Variants in SHISA9 observed in about 807,000 individuals in gnomAD.
The protein encoded by SHISA9 is shisa family member 9.
Under a neutral mutation model 38.0 loss-of-function variants are expected in SHISA9, and 13 were observed. That is an observed-to-expected ratio of 0.34 (90% CI 0.22 to 0.54). The LOEUF (loss-of-function observed/expected upper bound fraction) is 0.54. SHISA9 is among the 20% of genes least tolerant of loss of function. SHISA9 has a pLI of 0.91. For missense variants in SHISA9, 538 were observed against 575.8 expected, an observed-to-expected ratio of 0.93 and a Z score of 0.67; for synonymous variants, 275 against 242.0, an observed-to-expected ratio of 1.14 and a Z score of -1.27.
chr16:13,550,225 C>T, the SHISA9 span, among the ~76,000 whole-genome samples: 3 of 152,074 alleles, frequency 2.0e-5, no homozygotes, highest in Admixed American at 1.3e-4. Flanking sequence ...TCACATCCCC[C>T]TCTCTAGATT....
chr16:13,104,971 G>A (rs752572910), intron 2 of SHISA9, among the ~76,000 whole-genome samples: 5 of 152,118 alleles, frequency 3.3e-5, no homozygotes, highest in African/African-American at 4.8e-5. Flanking sequence ...TACGTTGGTT[G>A]AGCCTCAGTT....
At chr16:13,351,782 A>T in the SHISA9 span, among the ~76,000 whole-genome samples, 39 of 152,352 alleles carry the variant, frequency 2.6e-4, no homozygotes, top group Non-Finnish European at 4.1e-4. Flanking sequence ...TATTTTGAAT[A>T]ACACAAGGAT....
chr16:13,388,620 C>G, the SHISA9 span, among the ~76,000 whole-genome samples: 1 of 152,100 alleles, frequency 6.6e-6, no homozygotes, highest in Admixed American at 6.6e-5. Flanking sequence ...TTTGGACAGT[C>G]TTTTGTTTGA....
At chr16:13,472,341 C>T in the SHISA9 span, among the ~76,000 whole-genome samples, 1,453 of 138,998 alleles carry the variant, frequency 0.01, 27 homozygotes, top group African/African-American at 0.037. Flanking sequence ...TGTTTGAATT[C>T]ATCCCTTCAT....
At chr16:13,332,722 ACAGGGTGTGACCC>A in the SHISA9 span, 1 of 152,212 alleles carries the variant, frequency 6.6e-6, no homozygotes, top group Admixed American at 6.5e-5. Flanking sequence ...AAAAAATTCA[ACAGGGTGTGACCC>A]CAGGAGGACT....
intron 2 of SHISA9, among the ~76,000 whole-genome samples, chr16:13,185,850 C>T (rs944061885): frequency 5.9e-5 from 9 of 152,202 alleles, no homozygotes; most frequent in African/African-American, 1.9e-4. Flanking sequence ...CCACCCTGAG[C>T]ATTTTCAGAG....
the SHISA9 span, among the ~76,000 whole-genome samples, chr16:13,384,144 G>A: frequency 6.6e-6 from 1 of 152,244 alleles, no homozygotes; most frequent in East Asian, 1.9e-4. Context: ...GCATTGAAAT[G>A]TCTAGCAAAT....
the SHISA9 span, among the ~76,000 whole-genome samples, chr16:13,488,844 CT>C: frequency 6.6e-6 from 1 of 152,246 alleles, no homozygotes; most frequent in Non-Finnish European, 1.5e-5. Flanking sequence ...TCACTGCAAG[CT>C]CCGCCTCCCG....
chr16:13,390,973 C>T, the SHISA9 span, among the ~76,000 whole-genome samples: 1 of 152,004 alleles, frequency 6.6e-6, no homozygotes, highest in African/African-American at 2.4e-5. Flanking sequence ...CCAACCATGG[C>T]AATCTGTGAA....
intron 2 of SHISA9, among the ~76,000 whole-genome samples, chr16:13,065,896 G>T: frequency 6.6e-6 from 1 of 152,312 alleles, no homozygotes; most frequent in East Asian, 1.9e-4. Context: ...TCTTGTATAC[G>T]CATGGTGTAT....
chr16:13,155,566 A>T (rs919540654), intron 2 of SHISA9, among the ~76,000 whole-genome samples: 1 of 148,964 alleles, frequency 6.7e-6, no homozygotes, highest in Admixed American at 6.7e-5. Context: ...CTGGCCTTTC[A>T]TAGTGTGTTT....
chr16:13,010,727 G>A (rs556323521), intron 2 of SHISA9, among the ~76,000 whole-genome samples: 28 of 152,252 alleles, frequency 1.8e-4, no homozygotes, highest in East Asian at 5.8e-4. Context: ...CAAGGCGGGC[G>A]GATCACCTGA....
At chr16:12,981,155 G>A (rs981254327) in intron 2 of SHISA9, among the ~76,000 whole-genome samples, 9 of 152,168 alleles carry the variant, frequency 5.9e-5, no homozygotes, top group South Asian at 4.1e-4. Context: ...ATGTGGATGC[G>A]CAAAGGCCAG....
At chr16:13,250,094 T>C in the SHISA9 span, among the ~76,000 whole-genome samples, 1 of 152,146 alleles carries the variant, frequency 6.6e-6, no homozygotes, top group Non-Finnish European at 1.5e-5. Flanking sequence ...CTAGTCTTTA[T>C]ATTAACTGGA....
the SHISA9 span, among the ~76,000 whole-genome samples, chr16:13,363,707 CTG>C: frequency 2.0e-5 from 3 of 152,210 alleles, no homozygotes; most frequent in Non-Finnish European, 4.4e-5. Context: ...TCTGTATCAT[CTG>C]TGCTGAACCT....
At chr16:13,321,475 A>G in the SHISA9 span, among the ~76,000 whole-genome samples, 1 of 152,224 alleles carries the variant, frequency 6.6e-6, no homozygotes, top group Non-Finnish European at 1.5e-5. Context: ...TCATCTGTTA[A>G]AATACAGCCA....
At chr16:13,445,731 A>G in the SHISA9 span, among the ~76,000 whole-genome samples, 6 of 152,352 alleles carry the variant, frequency 3.9e-5, no homozygotes, top group African/African-American at 9.6e-5. Flanking sequence ...CTGAAGCAGT[A>G]GGTTAAACTC....
intron 4 of SHISA9, among the ~76,000 whole-genome samples, chr16:13,227,575 C>T (rs1411264322): frequency 6.6e-6 from 1 of 152,038 alleles, no homozygotes. Context: ...TGAATCTGTC[C>T]GGGAGGTAAC....
intron 2 of SHISA9, among the ~76,000 whole-genome samples, chr16:12,947,902 C>T (rs1892738300): frequency 6.6e-6 from 1 of 152,160 alleles, no homozygotes; most frequent in Non-Finnish European, 1.5e-5. Context: ...GTTGTGGGTT[C>T]TGTTGCCAAA....
Sources: allele counts gnomAD v4.1 joint callset (sites outside exome capture counted in the v4.1 genomes callset), GRCh38; gene constraint gnomAD v4.1.1; transcripts MANE v1.5; gene names NCBI Gene and HGNC (gene_info 2026-07-23, HGNC 2026-07-21).